PBX3: variants seen among roughly 807,000 people sequenced by gnomAD.
PBX3 encodes the protein pre-B-cell leukemia transcription factor 3.
Under a neutral mutation model 48.5 loss-of-function variants are expected in PBX3, and 14 were observed. That is an observed-to-expected ratio of 0.29 (90% CI 0.19 to 0.45). PBX3 has a LOEUF of 0.45. Among genes scored for constraint, PBX3 ranks in the 20% least tolerant of loss-of-function variants. The probability of loss-of-function intolerance (pLI) is 1.00; values close to 1 mark genes in which losing one functional copy is unlikely to be tolerated. For synonymous variants in PBX3, 210 were observed against 200.3 expected (o/e 1.05, Z -0.41); for missense variants, 386 against 546.7 (o/e 0.71, Z 2.93).
At chr9:125,818,821 AGAT>A (rs200458699) in intron 2 of PBX3, among the ~76,000 whole-genome samples, 5 of 152,012 alleles carry the variant, frequency 3.3e-5, no homozygotes, top group South Asian at 2.1e-4. Flanking sequence ...ATTATTTTGA[AGAT>A]GATGATGATG....
At chr9:125,880,707 T>A (rs951203179) in intron 2 of PBX3, among the ~76,000 whole-genome samples, 4 of 152,226 alleles carry the variant, frequency 2.6e-5, no homozygotes, top group Non-Finnish European at 1.5e-5. Context: ...TTTGTGGTAA[T>A]CATTTAAAAA....
At chr9:125,755,045 A>G (rs930970387) in intron 2 of PBX3, among the ~76,000 whole-genome samples, 4 of 152,098 alleles carry the variant, frequency 2.6e-5, no homozygotes, top group Admixed American at 2.6e-4. Context: ...CACAATGTTT[A>G]AACCATTATT....
rs538666193 is a variant in PBX3 at position 125,805,918 on chromosome 9, T to C, written c.274+57295T>C. Among the ~76,000 whole-genome samples the C allele has an allele frequency of 2.9e-4, 44 of 152,332 alleles. 2 individuals are homozygous for C. The highest frequency in any genetic ancestry group is 9.4e-4 in the African/African-American group (39 of 41,578). On this transcript the variant is annotated intron_variant, in intron 2 of 8. Coordinates refer to ENST00000373489, the MANE Select transcript of PBX3 (RefSeq NM_006195.6). ...ATAGGAATGAAGGAAACAGATAAAATTTCTTATCCTAATAGAGCTTAGCTT... is the reference window on the plus strand; with the variant it reads ...ATAGGAATGAAGGAAACAGATAAAACTTCTTATCCTAATAGAGCTTAGCTT...
chr9:125,908,733 C>T (rs1841134719), intron 2 of PBX3, among the ~76,000 whole-genome samples: 1 of 152,032 alleles, frequency 6.6e-6, no homozygotes, highest in Non-Finnish European at 1.5e-5. Context: ...AAGCTCATTG[C>T]TTTCCCTTTA....
intron 2 of PBX3, among the ~76,000 whole-genome samples, chr9:125,820,001 C>T (rs966666595): frequency 6.6e-6 from 1 of 151,946 alleles, no homozygotes; most frequent in Middle Eastern, 3.4e-3. Flanking sequence ...TTTAAAAAAC[C>T]CCAAAGAAAT....
At chr9:125,791,815 A>C (rs930502174) in intron 2 of PBX3, among the ~76,000 whole-genome samples, 4 of 151,974 alleles carry the variant, frequency 2.6e-5, no homozygotes, top group African/African-American at 9.7e-5. Flanking sequence ...AGGCGCCTGT[A>C]GTCCCAGCTA....
At chr9:125,909,497 A>C (rs1173331150) in intron 2 of PBX3, among the ~76,000 whole-genome samples, 2 of 152,166 alleles carry the variant, frequency 1.3e-5, no homozygotes, top group Non-Finnish European at 2.9e-5. Flanking sequence ...TTTAGCTTGA[A>C]TCATTATTTC....
At position 125,748,194 on chromosome 9, in the gene PBX3, G is replaced by C. The variant is rs988663322; in HGVS notation, c.201-356G>C. The C allele has an allele frequency of 9.2e-6, 9 of 983,430 alleles. No homozygotes were observed. The African/African-American group carries it at 1.6e-4, about 17-fold the overall frequency. The allele number at this position is 983,430 out of a possible 1,614,324, so 60.9% of individuals were successfully genotyped here. A position where few individuals can be genotyped will look rare whatever the true frequency, so the allele number is the denominator to read the frequency against. ...CCCTCCCGCTGGCCGCAGTCGGCCG[G>C]CCTCCTCTGCACAGGAGCGGACGCG... is the stretch of plus-strand genomic sequence containing the variant. On this transcript the variant is annotated intron_variant, in intron 1 of 8. Coordinates refer to ENST00000373489, the MANE Select transcript of PBX3 (RefSeq NM_006195.6).
Position 125,934,139 on chromosome 9 carries a change from T to TA in PBX3, c.708-1328dup, listed in dbSNP as rs1172232775. ...CTAGAAAACAATAGTTTAACCCTCC[T>TA]AAAAATTATTGAAATTAAGACATTT... On this transcript the variant is annotated intron_variant, in intron 4 of 8. Coordinates refer to ENST00000373489, the MANE Select transcript of PBX3 (RefSeq NM_006195.6). 2.0e-5 allele frequency among the ~76,000 whole-genome samples: 3 copies of TA among 152,196 alleles called. No individual in the cohort carries two copies. In the East Asian group the frequency reaches 5.8e-4, roughly 29 times the overall value.
At chr9:125,956,232 A>G (rs1842304514) in intron 5 of PBX3, among the ~76,000 whole-genome samples, 1 of 152,204 alleles carries the variant, frequency 6.6e-6, no homozygotes, top group African/African-American at 2.4e-5. Context: ...AATCTGTCCA[A>G]AGTCACTCAG....
At chr9:125,892,261 G>A (rs1416742030) in intron 2 of PBX3, among the ~76,000 whole-genome samples, 1 of 151,960 alleles carries the variant, frequency 6.6e-6, no homozygotes, top group Non-Finnish European at 1.5e-5. Flanking sequence ...TTACAACTAT[G>A]GCTCAACTTT....
chr9:125,824,572 T>A (rs867469444), intron 2 of PBX3, among the ~76,000 whole-genome samples: 2 of 152,334 alleles, frequency 1.3e-5, no homozygotes, highest in African/African-American at 4.8e-5. Flanking sequence ...GTAAGTCTAG[T>A]CCTAGGCCTT....
rs796413743 is a variant in PBX3 at position 125,928,038 on chromosome 9, C to G, written c.517-1617C>G. Among the ~76,000 whole-genome samples, 205 of 151,822 alleles carry G rather than the reference C, an allele frequency of 1.4e-3. 1 individual carries two copies. Among genetic ancestry groups the G allele is most frequent in the African/African-American group, 4.7e-3 (194 of 41,376 alleles). The stretch of plus-strand genomic sequence containing the variant: ...TCTACTAAAATACAAAAGAAATTAG[C>G]CGGGCGTGGCGGTGTGTACCTGTAG... On this transcript the variant is annotated intron_variant, in intron 3 of 8. Transcript: ENST00000373489.
chr9:125,855,056 A>G (rs551576364), intron 2 of PBX3, among the ~76,000 whole-genome samples: 4 of 152,202 alleles, frequency 2.6e-5, no homozygotes, highest in Non-Finnish European at 5.9e-5. Flanking sequence ...GTTTAGTTTT[A>G]TCTTTCTGGC....
At chr9:125,825,813 C>T (rs950961322) in intron 2 of PBX3, among the ~76,000 whole-genome samples, 10 of 152,108 alleles carry the variant, frequency 6.6e-5, no homozygotes, top group Admixed American at 2.6e-4. Flanking sequence ...AACAAGTGTC[C>T]ATTTTTCTTT....
In PBX3 at chr9:125,781,377, A is replaced by G. The variant is rs902069704; in HGVS notation, c.274+32754A>G. Among the ~76,000 whole-genome samples, 3 of 151,912 alleles carry G rather than the reference A, an allele frequency of 2.0e-5. No individual in the cohort carries two copies. In the East Asian group the frequency reaches 5.9e-4, roughly 30 times the overall value. On this transcript the variant is annotated intron_variant, in intron 2 of 8. Transcript: ENST00000373489. ...CACCAAAAAAGTACGAAAACCAGTCAGGCGTGGTGGCGCGCGCCTGCAATC... is the reference window on the plus strand; with the variant it reads ...CACCAAAAAAGTACGAAAACCAGTCGGGCGTGGTGGCGCGCGCCTGCAATC...
intron 2 of PBX3, among the ~76,000 whole-genome samples, chr9:125,766,131 C>T (rs1190156378): frequency 6.6e-6 from 1 of 152,046 alleles, no homozygotes; most frequent in African/African-American, 2.4e-5. Context: ...TTTTAGCACA[C>T]AGAATCTGCT....
intron 2 of PBX3, among the ~76,000 whole-genome samples, chr9:125,899,210 TATACATATGTATATATATTTATATATAA>T (rs1840848706): frequency 8.2e-6 from 1 of 121,498 alleles, no homozygotes; most frequent in Non-Finnish European, 1.8e-5. Context: ...TATTTATAAA[TATACATATGTATATATATTTATATATAA>T]ATATACATAT....
chr9:125,871,120 C>G lies in PBX3; in HGVS notation c.275-44566C>G, dbSNP rs138581797. On this transcript the variant is annotated intron_variant, in intron 2 of 8. Transcript: ENST00000373489. ...TGGCTAAAAACTAGAAAAAATAGGC[C>G]GGATGCAGTGGCTCACGCCTGTAAT... is the stretch of plus-strand genomic sequence containing the variant. Among the ~76,000 whole-genome samples the G allele has an allele frequency of 1.4e-3, 209 of 152,028 alleles. 1 individual carries two copies. The highest frequency in any genetic ancestry group is 4.9e-3 in the African/African-American group (203 of 41,480).
Sources: gnomAD v4.1 joint callset for allele counts (sites outside exome capture counted in the v4.1 genomes callset) on GRCh38, gnomAD v4.1.1 for gene constraint, MANE v1.5 for transcripts, NCBI Gene and HGNC (gene_info 2026-07-23, HGNC 2026-07-21) for gene names.